The following ZCWPW2 variants were observed in gnomAD, a reference collection of about 807,000 sequenced individuals.
ZCWPW2 encodes the protein zinc finger CW-type and PWWP domain containing 2, also known as zinc finger CW-type PWWP domain protein 2.
In ZCWPW2, 45 loss-of-function variants were observed where a neutral mutation model predicts 46.6. The observed-to-expected ratio is 0.96, with a 90% CI of 0.76 to 1.24. The LOEUF (loss-of-function observed/expected upper bound fraction) is 1.24. Among genes scored for constraint, ZCWPW2 ranks in the 50% most tolerant of loss-of-function variants. The pLI is 0.00. For synonymous variants in ZCWPW2, 152 were observed against 137.1 expected (o/e 1.11, Z -0.76); for missense variants, 429 against 403.9 (o/e 1.06, Z -0.53).
At chr3:28,368,892 G>A (rs1037060475) in intron 1 of ZCWPW2, among the ~76,000 whole-genome samples, 33 of 151,944 alleles carry the variant, frequency 2.2e-4, no homozygotes, top group African/African-American at 6.8e-4. Flanking sequence ...TTCTCTTCTC[G>A]CTTCCTTTCA....
At chr3:28,508,132 A>G (rs1041255775) in intron 6 of ZCWPW2, among the ~76,000 whole-genome samples, 2 of 152,054 alleles carry the variant, frequency 1.3e-5, no homozygotes, top group Non-Finnish European at 2.9e-5. Flanking sequence ...TCTTTTTAAC[A>G]ACCAACCGTA....
chr3:28,488,525 C>T (rs146862302), intron 5 of ZCWPW2, among the ~76,000 whole-genome samples: 210 of 152,174 alleles, frequency 1.4e-3, no homozygotes, highest in African/African-American at 4.6e-3. Context: ...TCCATGAATA[C>T]ACAAGGTTTA....
chr3:28,450,753 C>A (rs1307182692), intron 4 of ZCWPW2, among the ~76,000 whole-genome samples: 1 of 151,832 alleles, frequency 6.6e-6, no homozygotes, highest in Non-Finnish European at 1.5e-5. Context: ...TTGGGGGGTA[C>A]CAGAGATCAT....
At chr3:28,471,841 C>G (rs1261337230) in intron 4 of ZCWPW2, among the ~76,000 whole-genome samples, 1 of 151,994 alleles carries the variant, frequency 6.6e-6, no homozygotes, top group Non-Finnish European at 1.5e-5. Flanking sequence ...AAAGACTTCA[C>G]CAAAAAGCTG....
At chr3:28,400,946 G>A (rs1027671184) in intron 2 of ZCWPW2, among the ~76,000 whole-genome samples, 13 of 152,118 alleles carry the variant, frequency 8.5e-5, no homozygotes, top group African/African-American at 2.2e-4. Flanking sequence ...TTGGGAGGCC[G>A]AGGCAGGTGG....
chr3:28,473,687 T>A (rs924161758), intron 4 of ZCWPW2, among the ~76,000 whole-genome samples: 11 of 152,220 alleles, frequency 7.2e-5, no homozygotes, highest in Non-Finnish European at 1.5e-4. Flanking sequence ...CGTGGAATAC[T>A]ATTCAGCTAT....
chr3:28,487,965 T>C (rs1450921988), intron 5 of ZCWPW2, among the ~76,000 whole-genome samples: 1 of 152,152 alleles, frequency 6.6e-6, no homozygotes, highest in African/African-American at 2.4e-5. Context: ...GGTAAAATAG[T>C]TTCTCCTCAG....
intron 1 of ZCWPW2, among the ~76,000 whole-genome samples, chr3:28,366,611 T>C (rs1346777290): frequency 1.4e-5 from 2 of 147,374 alleles, no homozygotes; most frequent in African/African-American, 5.0e-5. Flanking sequence ...TCTCTTTTTT[T>C]GTTGTGTCTC....
chr3:28,486,748 T>C (rs186240140), intron 5 of ZCWPW2, among the ~76,000 whole-genome samples: 175 of 152,014 alleles, frequency 1.2e-3, no homozygotes, highest in Non-Finnish European at 9.3e-4. Context: ...TCATCTGTAG[T>C]CCCAGCTATG....
chr3:28,420,013 G>T (rs1335313899), intron 3 of ZCWPW2, among the ~76,000 whole-genome samples: 1 of 148,648 alleles, frequency 6.7e-6, no homozygotes, highest in African/African-American at 2.5e-5. Flanking sequence ...ATCATGGCAC[G>T]TGTATACATA....
In ZCWPW2 at chr3:28,524,538, C is replaced by T. The variant is rs768413391; in HGVS notation, c.921C>T (p.Cys307=). Reference sequence around the variant, plus strand: ...TGGTTGTTTTGCAGTTATCTAAATGCAGCCCAGAAGCTCCTGCAGGCAGTC... The same window carrying T: ...TGGTTGTTTTGCAGTTATCTAAATGTAGCCCAGAAGCTCCTGCAGGCAGTC... ...EINMGEKLSK[C]SPEAPAGSLF... Residue 307 remains cysteine (C), a synonymous_variant, in exon 10 of 10, where the codon TGC becomes TGT. Coordinates refer to ENST00000383768, the MANE Select transcript of ZCWPW2 (RefSeq NM_001040432.4). 4 of 1,599,874 alleles carry T rather than the reference C, an allele frequency of 2.5e-6. No individual in the cohort carries two copies. Among genetic ancestry groups the T allele is most frequent in the Non-Finnish European group, 2.6e-6 (3 of 1,175,028 alleles).
chr3:28,398,060 A>T (rs1695775595), intron 2 of ZCWPW2: 3 of 152,230 alleles, frequency 2.0e-5, no homozygotes, highest in Admixed American at 6.5e-5. Context: ...TGGCTGCTAT[A>T]ACAAATTACC....
intron 1 of ZCWPW2, among the ~76,000 whole-genome samples, chr3:28,380,978 T>A: frequency 2.5e-5 from 1 of 40,074 alleles, no homozygotes; most frequent in Non-Finnish European, 4.0e-5. Context: ...ATATTTGGTA[T>A]ATATATATAT....
At chr3:28,498,923 T>C (rs936089695) in intron 6 of ZCWPW2, among the ~76,000 whole-genome samples, 1 of 152,124 alleles carries the variant, frequency 6.6e-6, no homozygotes. Context: ...CTGTGTTAGT[T>C]TGCTGAGAAT....
intron 7 of ZCWPW2, 102 bp from the exon 8 acceptor site, chr3:28,515,452 T>C (rs1700535442): frequency 1.2e-6 from 1 of 827,448 alleles, no homozygotes; most frequent in Admixed American, 2.7e-5. Context: ...TTAGAAAATA[T>C]ATGCATTTAT....
At chr3:28,422,716 T>C (rs1696842091) in intron 3 of ZCWPW2, among the ~76,000 whole-genome samples, 1 of 152,194 alleles carries the variant, frequency 6.6e-6, no homozygotes. Context: ...TGTTTTCAGT[T>C]CCTTTGGGTA....
rs1013969529 is a variant in ZCWPW2, at chr3:28,525,854, C to T, written c.*1166C>T. ...TCTTCCTTGTTTTCCTCATGTATTC[C>T]TTAGCATTCTGATATTGTGTCATAG... On this transcript the variant is annotated 3_prime_UTR_variant, in exon 10 of 10. Coordinates refer to ENST00000383768, the MANE Select transcript of ZCWPW2 (RefSeq NM_001040432.4). 2.0e-4 allele frequency among the ~76,000 whole-genome samples: 31 copies of T among 152,198 alleles called. No homozygotes were observed. Among genetic ancestry groups the T allele is most frequent in the South Asian group, 8.3e-4 (4 of 4,826 alleles).
intron 8 of ZCWPW2, 93 bp from the exon 9 acceptor site, chr3:28,520,899 A>G: frequency 6.9e-7 from 1 of 1,458,884 alleles, no homozygotes; most frequent in Non-Finnish European, 9.4e-7. Context: ...TGTAGCATTT[A>G]AAAGATTTCT....
At chr3:28,504,725 C>A (rs34179018) in intron 6 of ZCWPW2, among the ~76,000 whole-genome samples, 56,763 of 151,978 alleles carry the variant, frequency 0.37, 11,360 homozygotes, top group East Asian at 0.64. Context: ...GGAATTGTTT[C>A]AACTGATTTG....
Sources: allele counts gnomAD v4.1 joint callset (sites outside exome capture counted in the v4.1 genomes callset), GRCh38; gene constraint gnomAD v4.1.1; transcripts MANE v1.5; gene names NCBI Gene and HGNC (gene_info 2026-07-23, HGNC 2026-07-21).